The following LRRTM4 variants were observed in gnomAD, a reference collection of about 807,000 sequenced individuals.
LRRTM4 encodes leucine-rich repeat transmembrane neuronal protein 4.
A neutral mutation model predicts 47.6 loss-of-function variants in LRRTM4; 25 were observed. The ratio of observed to expected loss-of-function variants is 0.53; its 90% CI spans 0.38 to 0.73. The LOEUF (loss-of-function observed/expected upper bound fraction) is 0.73. Ranked by LOEUF, LRRTM4 falls within the 30% of genes least tolerant of loss-of-function variation. The pLI, the probability that LRRTM4 is intolerant of heterozygous loss-of-function variation, is 0.00. For synonymous variants in LRRTM4, 311 were observed against 269.5 expected, an observed-to-expected ratio of 1.15 and a Z score of -1.51; for missense variants, 638 against 713.4, an observed-to-expected ratio of 0.89 and a Z score of 1.20.
At chr2:76,955,969 C>CTTAA (rs200265629) in intron 3 of LRRTM4, among the ~76,000 whole-genome samples, 2,209 of 151,330 alleles carry the variant, frequency 0.015, 24 homozygotes, top group Non-Finnish European at 0.024. Context: ...TTATTACTAT[C>CTTAA]AGTAATTACT....
intron 3 of LRRTM4, among the ~76,000 whole-genome samples, chr2:77,197,888 C>G (rs764355525): frequency 6.6e-6 from 1 of 152,142 alleles, no homozygotes; most frequent in Non-Finnish European, 1.5e-5. Flanking sequence ...ATTTTTGTCT[C>G]TTTGCATGTA....
At chr2:76,928,476 C>T (rs1353923746) in intron 3 of LRRTM4, among the ~76,000 whole-genome samples, 1 of 152,024 alleles carries the variant, frequency 6.6e-6, no homozygotes, top group Non-Finnish European at 1.5e-5. Context: ...CACGGAGGAG[C>T]TTTGAGGATT....
At chr2:77,076,531 T>G (rs967634459) in intron 3 of LRRTM4, among the ~76,000 whole-genome samples, 7 of 152,208 alleles carry the variant, frequency 4.6e-5, no homozygotes, top group Admixed American at 4.6e-4. Context: ...TACACTGTAC[T>G]GTTTTTGCTT....
In LRRTM4 at chr2:77,409,815, T is replaced by C. The variant is rs190846895; in HGVS notation, c.1551+108503A>G. Reference sequence around the variant, plus strand: ...AGGAGCAATGCTAATCAACCCAGAATAGAAAATAACAAGTATTTGCAACCT... The same window carrying C: ...AGGAGCAATGCTAATCAACCCAGAACAGAAAATAACAAGTATTTGCAACCT... On this transcript the variant is annotated intron_variant, in intron 3 of 3. Transcript: ENST00000409884. 1.5e-4 allele frequency among the ~76,000 whole-genome samples: 23 copies of C among 152,290 alleles called. No individual in the cohort carries two copies. The East Asian group carries it at 4.2e-3, about 28-fold the overall frequency.
intron 3 of LRRTM4, among the ~76,000 whole-genome samples, chr2:77,096,133 A>T (rs1487518747): frequency 6.6e-6 from 1 of 151,998 alleles, no homozygotes; most frequent in Non-Finnish European, 1.5e-5. Flanking sequence ...ATTATACCCC[A>T]TAAATATAAT....
chr2:76,791,372 G>C (rs905459769), intron 3 of LRRTM4, among the ~76,000 whole-genome samples: 3 of 152,100 alleles, frequency 2.0e-5, no homozygotes, highest in Admixed American at 1.3e-4. Flanking sequence ...TTGAAACTCA[G>C]TGAAAGGCAT....
intron 3 of LRRTM4, among the ~76,000 whole-genome samples, chr2:76,862,257 T>G (rs1672335259): frequency 6.6e-6 from 1 of 152,162 alleles, no homozygotes. Context: ...TTGTTGGTAC[T>G]CTTGGTGCAT....
At chr2:76,901,023 T>C (rs943591261) in intron 3 of LRRTM4, among the ~76,000 whole-genome samples, 3 of 152,086 alleles carry the variant, frequency 2.0e-5, no homozygotes, top group African/African-American at 7.3e-5. Context: ...AGAAGTCCAA[T>C]GAGAAAAATT....
intron 3 of LRRTM4, among the ~76,000 whole-genome samples, chr2:77,070,066 A>T (rs373369029): frequency 1.4e-4 from 22 of 152,108 alleles, no homozygotes; most frequent in East Asian, 3.9e-4. Flanking sequence ...TATATATATA[A>T]AATCGGAAAT....
chr2:77,422,496 G>A (rs548912443), intron 3 of LRRTM4, among the ~76,000 whole-genome samples: 4 of 152,260 alleles, frequency 2.6e-5, no homozygotes, highest in African/African-American at 9.6e-5. Flanking sequence ...GAAGTAAATT[G>A]CAAAGAAGTA....
chr2:77,072,816 A>AC (rs1490308823), intron 3 of LRRTM4, among the ~76,000 whole-genome samples: 3 of 151,518 alleles, frequency 2.0e-5, no homozygotes, highest in Non-Finnish European at 4.4e-5. Flanking sequence ...AAAAAAAAAA[A>AC]AAAAAAACAA....
chr2:77,099,717 T>G (rs1670902243), intron 3 of LRRTM4, among the ~76,000 whole-genome samples: 1 of 151,904 alleles, frequency 6.6e-6, no homozygotes, highest in Non-Finnish European at 1.5e-5. Context: ...TGAATGTCTG[T>G]TTATGTGGAG....
At chr2:77,343,095 C>A (rs1021163314) in intron 3 of LRRTM4, among the ~76,000 whole-genome samples, 1 of 151,930 alleles carries the variant, frequency 6.6e-6, no homozygotes. Flanking sequence ...ATCATTGAAG[C>A]CACTTCCCCC....
intron 3 of LRRTM4, among the ~76,000 whole-genome samples, chr2:76,876,144 G>T (rs536834486): frequency 1.3e-5 from 2 of 151,908 alleles, no homozygotes; most frequent in African/African-American, 2.4e-5. Flanking sequence ...TATGCCTAAC[G>T]ATTTTAGAGA....
chr2:77,027,551 C>T (rs1678497635), intron 3 of LRRTM4, among the ~76,000 whole-genome samples: 1 of 152,126 alleles, frequency 6.6e-6, no homozygotes, highest in Admixed American at 6.6e-5. Flanking sequence ...AGTATAGAAG[C>T]ATTTTAATAT....
At chr2:77,207,327 T>G (rs1442848203) in intron 3 of LRRTM4, among the ~76,000 whole-genome samples, 1 of 135,834 alleles carries the variant, frequency 7.4e-6, no homozygotes, top group African/African-American at 3.0e-5. Flanking sequence ...TGTGTTTATG[T>G]TTTTCCTAAT....
chr2:77,510,544 A>G (rs908800420), intron 3 of LRRTM4, among the ~76,000 whole-genome samples: 1 of 152,114 alleles, frequency 6.6e-6, no homozygotes, highest in African/African-American at 2.4e-5. Context: ...TCCAAAATAA[A>G]AGAACATTTG....
chr2:76,940,623 AC>A (rs1675105492), intron 3 of LRRTM4, among the ~76,000 whole-genome samples: 1 of 152,112 alleles, frequency 6.6e-6, no homozygotes, highest in African/African-American at 2.4e-5. Flanking sequence ...AGGCACATGT[AC>A]CCCTGAACTT....
chr2:76,768,802 A>C (rs532775116), intron 3 of LRRTM4, among the ~76,000 whole-genome samples: 274 of 152,260 alleles, frequency 1.8e-3, no homozygotes, highest in Non-Finnish European at 2.8e-3. Flanking sequence ...ACTTCACTGA[A>C]ATTAGGATCT....
Sources: allele counts gnomAD v4.1 joint callset (sites outside exome capture counted in the v4.1 genomes callset), GRCh38; gene constraint gnomAD v4.1.1; transcripts MANE v1.5; gene names NCBI Gene and HGNC (gene_info 2026-07-23, HGNC 2026-07-21).